The following ANO2 variants were observed in gnomAD, a reference collection of about 807,000 sequenced individuals.
ANO2 encodes anoctamin-2.
Under a neutral mutation model 124.2 loss-of-function variants are expected in ANO2, and 101 were observed. The ratio of observed to expected loss-of-function variants is 0.81; its 90% confidence interval spans 0.69 to 0.96. ANO2 has a LOEUF of 0.96. ANO2 is among the 40% of genes least tolerant of loss of function. The pLI is 0.00. For missense variants in ANO2, 1,293 were observed against 1,274.5 expected (o/e 1.01, Z -0.22); for synonymous variants, 486 against 482.5 (o/e 1.01, Z -0.09).
At chr12:5,746,234 GA>G (rs1951262932) in intron 11 of ANO2, among the ~76,000 whole-genome samples, 1 of 152,346 alleles carries the variant, frequency 6.6e-6, no homozygotes. Context: ...AAAGCACTTT[GA>G]AACCTAAGTG....
intron 10 of ANO2, among the ~76,000 whole-genome samples, chr12:5,791,491 T>C (rs569136418): frequency 1.3e-5 from 2 of 152,186 alleles, no homozygotes; most frequent in Admixed American, 1.3e-4. Context: ...CACCATGGTT[T>C]TCCCTGGGAG....
chr12:5,829,032 T>C (rs151212680), intron 6 of ANO2, among the ~76,000 whole-genome samples: 5 of 152,298 alleles, frequency 3.3e-5, no homozygotes, highest in South Asian at 2.1e-4. Context: ...GAAGGAGAGA[T>C]GAATGCTAGA....
chr12:5,687,633 C>T (rs1337037769), intron 14 of ANO2, among the ~76,000 whole-genome samples: 5 of 152,240 alleles, frequency 3.3e-5, no homozygotes, highest in Non-Finnish European at 7.3e-5. Flanking sequence ...CTGCATGAGG[C>T]CCTGTTTCCA....
At chr12:5,751,467 C>G (rs185483683) in intron 10 of ANO2, among the ~76,000 whole-genome samples, 9 of 152,262 alleles carry the variant, frequency 5.9e-5, no homozygotes, top group East Asian at 3.9e-4. Context: ...TAGAAGAAAT[C>G]CAATAAAATA....
chr12:5,591,168 G>A (rs552739932), intron 20 of ANO2, among the ~76,000 whole-genome samples: 33 of 152,290 alleles, frequency 2.2e-4, no homozygotes, highest in African/African-American at 7.0e-4. Context: ...CAACAAGAGC[G>A]AAACTGTCTC....
At position 5,936,937 on chromosome 12, in the gene ANO2, A is replaced by G. The variant is rs76236871; in HGVS notation, c.22+8259T>C. 6.6e-3 allele frequency among the ~76,000 whole-genome samples: 1,002 copies of G among 152,304 alleles called. 8 individuals carry two copies. Among genetic ancestry groups the G allele is most frequent in the African/African-American group, 0.022 (933 of 41,566 alleles). ...TATTTACTTGGATGCAACATCATCAAAGCTCCAAAATTCTATACCATAAAG... is the reference window on the plus strand; with the variant it reads ...TATTTACTTGGATGCAACATCATCAGAGCTCCAAAATTCTATACCATAAAG... On this transcript the variant is annotated intron_variant, in intron 1 of 24. Coordinates refer to ENST00000682330, the MANE Select transcript of ANO2 (RefSeq NM_001364791.2).
intron 14 of ANO2, among the ~76,000 whole-genome samples, chr12:5,662,356 A>G (rs1947489290): frequency 6.6e-6 from 1 of 152,224 alleles, no homozygotes; most frequent in African/African-American, 2.4e-5. Flanking sequence ...CTCCATTCAA[A>G]GCAGAGGTGC....
intron 15 of ANO2, among the ~76,000 whole-genome samples, chr12:5,643,293 T>C (rs781776432): frequency 5.9e-5 from 9 of 152,258 alleles, no homozygotes; most frequent in Non-Finnish European, 8.8e-5. Flanking sequence ...AGTTGAGTAT[T>C]GTCTCTGAAC....
intron 14 of ANO2, among the ~76,000 whole-genome samples, chr12:5,681,940 C>T (rs771295936): frequency 7.2e-5 from 11 of 152,244 alleles, no homozygotes; most frequent in South Asian, 4.2e-4. Flanking sequence ...GGAAAACAGA[C>T]GGGTGGAAGG....
At chr12:5,914,206 GA>G (rs62809360) in intron 3 of ANO2, among the ~76,000 whole-genome samples, 5 of 150,540 alleles carry the variant, frequency 3.3e-5, no homozygotes, top group African/African-American at 1.2e-4. Flanking sequence ...TCTCAAAAAA[GA>G]AAAAAAGAAA....
chr12:5,612,588 T>C, intron 19 of ANO2, 68 bp downstream of exon 19: 1 of 1,357,894 alleles, frequency 7.4e-7, no homozygotes, highest in South Asian at 1.2e-5. Context: ...GAAAACCTGC[T>C]GAAAGGCTGG....
At chr12:5,681,500 T>C (rs1948489006) in intron 14 of ANO2, among the ~76,000 whole-genome samples, 1 of 152,192 alleles carries the variant, frequency 6.6e-6, no homozygotes, top group African/African-American at 2.4e-5. Flanking sequence ...TTTTTGGAGT[T>C]GGGGCCAGGC....
chr12:5,854,855 T>C (rs1184989990), intron 3 of ANO2, among the ~76,000 whole-genome samples: 2 of 152,048 alleles, frequency 1.3e-5, no homozygotes, highest in African/African-American at 4.8e-5. Context: ...CAGCAATTCA[T>C]CTGGCCCTTG....
intron 14 of ANO2, among the ~76,000 whole-genome samples, chr12:5,707,530 C>T (rs1021413029): frequency 2.0e-5 from 3 of 152,094 alleles, no homozygotes; most frequent in African/African-American, 7.2e-5. Flanking sequence ...GTTCAGAGGA[C>T]TCAAGGTGGT....
At chr12:5,852,486 A>G (rs1036146300) in intron 4 of ANO2, among the ~76,000 whole-genome samples, 2 of 152,180 alleles carry the variant, frequency 1.3e-5, no homozygotes, top group Non-Finnish European at 2.9e-5. Context: ...GTTATTGTCC[A>G]TTGTAATAAA....
At chr12:5,607,784 TG>T (rs1944294365) in intron 19 of ANO2, among the ~76,000 whole-genome samples, 1 of 152,204 alleles carries the variant, frequency 6.6e-6, no homozygotes, top group African/African-American at 2.4e-5. Flanking sequence ...GAGAATCCAA[TG>T]CCTGATGATC....
At chr12:5,660,441 C>CGAGGCG (rs1209210911) in intron 14 of ANO2, among the ~76,000 whole-genome samples, 164 of 105,342 alleles carry the variant, frequency 1.6e-3, no homozygotes, top group African/African-American at 2.2e-3. Flanking sequence ...CACGCCAAGC[C>CGAGGCG]GGCTTCCATA....
intron 14 of ANO2, among the ~76,000 whole-genome samples, chr12:5,705,887 G>A (rs1364669939): frequency 2.6e-5 from 4 of 152,166 alleles, no homozygotes; most frequent in South Asian, 2.1e-4. Flanking sequence ...ACAAGCTCCC[G>A]TGGTTCTTTC....
rs1213591080 is a variant in ANO2 at position 5,739,411 on chromosome 12, C to T, written c.1352-12G>A. 3.8e-6 allele frequency: 6 copies of T among 1,582,174 alleles called. No individual in the cohort carries two copies. The South Asian group carries it at 5.8e-5, about 15-fold the overall frequency. The stretch of plus-strand genomic sequence containing the variant: ...CAGGAACATGGTAGCTTAAAAAGAA[C>T]AACAAGAACAAAAACCTTGATTATT... On this transcript the variant is annotated splice_polypyrimidine_tract_variant and intron_variant, in intron 12 of 24. Coordinates refer to ENST00000682330, the MANE Select transcript of ANO2 (RefSeq NM_001364791.2).
Sources: gnomAD v4.1 joint callset for allele counts (sites outside exome capture counted in the v4.1 genomes callset) on GRCh38, gnomAD v4.1.1 for gene constraint, MANE v1.5 for transcripts, NCBI Gene and HGNC (gene_info 2026-07-23, HGNC 2026-07-21) for gene names.